Variants in FGF13 observed in about 807,000 individuals in gnomAD.
FGF13 encodes the protein fibroblast growth factor 13, also known as fibroblast growth factor homologous factor 2.
A neutral mutation model predicts 19.5 loss-of-function variants in FGF13; 2 were observed. The ratio of observed to expected loss-of-function variants is 0.10; its 90% CI spans 0.04 to 0.32. The LOEUF is 0.32. Ranked by LOEUF, FGF13 falls within the 10% of genes least tolerant of loss-of-function variation. The pLI is 1.00. For missense variants in FGF13, 113 were observed against 192.7 expected, an observed-to-expected ratio of 0.59 and a Z score of 2.45; for synonymous variants, 72 against 76.9, an observed-to-expected ratio of 0.94 and a Z score of 0.33.
At chrX:138,783,456 A>G (rs1481533760) in intron 3 of FGF13, among the ~76,000 whole-genome samples, 2 of 101,530 alleles carry the variant, frequency 2.0e-5, no homozygotes, top group Non-Finnish European at 4.0e-5. Context: ...ATGAACTCAA[A>G]CAAATTTACA....
chrX:139,190,677 T>C (rs2084320570), intron 1 of FGF13, among the ~76,000 whole-genome samples: 1 of 112,394 alleles, frequency 8.9e-6, no homozygotes, highest in Admixed American at 9.4e-5. Flanking sequence ...TGCAGAACAA[T>C]GTGAATATAC....
At chrX:138,898,826 G>A (rs2091516921) in intron 1 of FGF13, among the ~76,000 whole-genome samples, 1 of 111,539 alleles carries the variant, frequency 9.0e-6, no homozygotes, top group South Asian at 3.8e-4. Flanking sequence ...GCAGTTTGAG[G>A]GAGAAATAAT....
intron 3 of FGF13, among the ~76,000 whole-genome samples, chrX:138,829,934 G>A (rs985278383): frequency 8.9e-6 from 1 of 111,756 alleles, no homozygotes; most frequent in African/African-American, 3.3e-5. Flanking sequence ...GGCCAGGCTG[G>A]TCTCAAACTC....
chrX:139,020,445 T>C (rs1157486115), intron 1 of FGF13, among the ~76,000 whole-genome samples: 1 of 111,094 alleles, frequency 9.0e-6, no homozygotes, highest in Non-Finnish European at 1.9e-5. Context: ...TGGTAAATTG[T>C]ATACCTGCCC....
At chrX:138,789,253 C>T (rs1254848629) in intron 3 of FGF13, among the ~76,000 whole-genome samples, 2 of 110,597 alleles carry the variant, frequency 1.8e-5, no homozygotes, top group Admixed American at 9.6e-5. Context: ...ACTGCAACCT[C>T]CGCCTCCCGG....
chrX:138,874,448 C>T (rs184072881), intron 1 of FGF13, among the ~76,000 whole-genome samples: 8 of 110,935 alleles, frequency 7.2e-5, no homozygotes, highest in Non-Finnish European at 7.5e-5. Flanking sequence ...TTTTCCCCAA[C>T]GGCTTTTTGT....
chrX:138,662,249 T>C (rs1192370925), intron 3 of FGF13, among the ~76,000 whole-genome samples: 1 of 111,750 alleles, frequency 8.9e-6, no homozygotes, highest in African/African-American at 3.2e-5. Flanking sequence ...TCGTTTAATT[T>C]CATTATTTTT....
chrX:138,811,865 G>A (rs775568232), intron 3 of FGF13, among the ~76,000 whole-genome samples: 32 of 109,631 alleles, frequency 2.9e-4, no homozygotes, highest in Non-Finnish European at 5.1e-4. Flanking sequence ...TATTTTTGTC[G>A]TTCCCTCATC....
At chrX:138,679,254 C>A (rs897891234) in intron 3 of FGF13, among the ~76,000 whole-genome samples, 19 of 108,204 alleles carry the variant, frequency 1.8e-4, no homozygotes, top group African/African-American at 6.1e-4. Flanking sequence ...TTTTTTTTTT[C>A]TTTTTGTAGA....
At chrX:139,003,336 G>A (rs758191610) in intron 1 of FGF13, among the ~76,000 whole-genome samples, 1 of 111,504 alleles carries the variant, frequency 9.0e-6, no homozygotes, top group Admixed American at 9.5e-5. Context: ...GCAGATCTTC[G>A]CCGTGAGTGT....
chrX:138,781,198 C>T (rs1166706433), intron 3 of FGF13, among the ~76,000 whole-genome samples: 1 of 110,503 alleles, frequency 9.0e-6, no homozygotes, highest in Non-Finnish European at 1.9e-5. Context: ...GCACTAAATG[C>T]CTACAAGAGA....
chrX:138,717,755 G>A (rs543283347), intron 1 of FGF13, among the ~76,000 whole-genome samples: 34 of 111,323 alleles, frequency 3.1e-4, no homozygotes, highest in Admixed American at 2.0e-3. Flanking sequence ...CTGGGACTAC[G>A]GGCACGTGCC....
chrX:138,962,736 A>G (rs1055252367), intron 1 of FGF13, among the ~76,000 whole-genome samples: 1 of 111,877 alleles, frequency 8.9e-6, no homozygotes, highest in Non-Finnish European at 1.9e-5. Context: ...TGAGCAAACT[A>G]TCTCAAGGAC....
intron 3 of FGF13, among the ~76,000 whole-genome samples, chrX:138,690,277 TTC>T (rs2089826028): frequency 9.0e-6 from 1 of 111,561 alleles, no homozygotes; most frequent in African/African-American, 3.3e-5. Context: ...AATAAGCACT[TTC>T]TGTTCCTCAA....
chrX:139,032,803 G>C (rs2092232789), intron 1 of FGF13, among the ~76,000 whole-genome samples: 3 of 109,515 alleles, frequency 2.7e-5, no homozygotes, highest in Non-Finnish European at 5.7e-5. Flanking sequence ...GAGATGGATG[G>C]ATATTTCTTT....
chrX:139,134,600 A>C (rs2083785281), intron 1 of FGF13, among the ~76,000 whole-genome samples: 1 of 111,547 alleles, frequency 9.0e-6, no homozygotes, highest in African/African-American at 3.3e-5. Flanking sequence ...GAAAGCAGGG[A>C]CCATTCCTGT....
upstream of FGF13, among the ~76,000 whole-genome samples, chrX:138,743,834 G>A (rs62602176): frequency 3.4e-3 from 375 of 111,178 alleles, 2 homozygotes; most frequent in Non-Finnish European, 6.0e-3. Flanking sequence ...AACTCACTAA[G>A]AGAGGTGAAG....
At chrX:139,139,197 T>G (rs1005848901) in intron 1 of FGF13, among the ~76,000 whole-genome samples, 1 of 111,438 alleles carries the variant, frequency 9.0e-6, no homozygotes, top group Non-Finnish European at 1.9e-5. Flanking sequence ...TCTCCCAAAG[T>G]GCTGGGAATA....
chrX:138,761,236 A>G (rs1043925093), intron 3 of FGF13, among the ~76,000 whole-genome samples: 1 of 111,971 alleles, frequency 8.9e-6, no homozygotes, highest in Non-Finnish European at 1.9e-5. Context: ...GAGATTTAAT[A>G]TTCTCTACAA....
Sources: allele counts gnomAD v4.1 joint callset (sites outside exome capture counted in the v4.1 genomes callset), GRCh38; gene constraint gnomAD v4.1.1; transcripts MANE v1.5; gene names NCBI Gene and HGNC (gene_info 2026-07-23, HGNC 2026-07-21).